Variants in RALGDS observed in about 807,000 individuals in gnomAD.
The protein encoded by RALGDS is ral guanine nucleotide exchange factor.
In RALGDS, 44 loss-of-function variants were observed where a neutral mutation model predicts 99.8. That is an observed-to-expected ratio of 0.44 (90% CI 0.35 to 0.57). The LOEUF (loss-of-function observed/expected upper bound fraction) is 0.57. RALGDS is among the 20% of genes least tolerant of loss of function. The pLI is 0.01. For synonymous variants in RALGDS, 529 were observed against 505.0 expected, an observed-to-expected ratio of 1.05 and a Z score of -0.64; for missense variants, 1,022 against 1,203.1, an observed-to-expected ratio of 0.85 and a Z score of 2.23.
intron 16 of RALGDS, chr9:133,101,101 C>T: frequency 1.8e-6 from 2 of 1,132,252 alleles, no homozygotes; most frequent in Non-Finnish European, 2.2e-6. Context: ...CCTTCCAGGG[C>T]TCCCAGCCTG....
In RALGDS at chr9:133,098,347, AGTC is replaced by A. The variant is rs1356079837; in HGVS notation, c.*237_*239del. On this transcript the variant is annotated 3_prime_UTR_variant, in exon 18 of 18. Transcript: ENST00000372050. ...CCCGTTGGCACTGCTCCTTGGCAAA[AGTC>A]AGCTAGTCCTCTGGTTCCAGAGAGC... is the stretch of plus-strand genomic sequence containing the variant. 1.8e-6 allele frequency: 1 copy of A among 559,838 alleles called. No individual in the cohort carries two copies. The highest frequency in any genetic ancestry group is 3.2e-6 in the Non-Finnish European group (1 of 310,928). 34.7% of individuals were successfully genotyped at this position (559,838 alleles called of 1,614,324 possible).
upstream of RALGDS, among the ~76,000 whole-genome samples, chr9:133,134,805 A>T (rs1259401286): frequency 1.3e-5 from 2 of 152,156 alleles, no homozygotes. Flanking sequence ...TGCCATGCCA[A>T]TGCGGGTATC....
At chr9:133,134,247 T>G (rs1405005921), upstream of RALGDS, among the ~76,000 whole-genome samples, 1 of 152,204 alleles carries the variant, frequency 6.6e-6, no homozygotes, top group African/African-American at 2.4e-5. Context: ...TGGCTCTGAC[T>G]AGGAGACTCC....
In RALGDS at chr9:133,102,022, C is replaced by T; in HGVS notation, c.2127G>A (p.Val709=). 4 of 1,554,260 alleles carry T rather than the reference C, an allele frequency of 2.6e-6. No individual in the cohort carries two copies. Among genetic ancestry groups the T allele is most frequent in the Non-Finnish European group, 3.5e-6 (4 of 1,148,514 alleles). The change falls in exon 15 of 18, where the codon GTG becomes GTA. Residue 709 remains valine (V), a synonymous_variant. Transcript: ENST00000372050. ...SSGDIADALS[V]HSAGSSSSDV... ...CGGAGCTAGAGGAGCCGGCCGAGTG[C>T]ACGCTGAGCGCGTCAGCGATGTCCC...
rs188091485 is a variant in RALGDS, at chr9:133,140,943, G to A, written c.18+8020C>T. The stretch of plus-strand genomic sequence containing the variant: ...TCCTCCTGTGGCACTCCAGCTGGGG[G>A]TGGCTGGGCAGAGTCCCCATGGGAT... On this transcript the variant is annotated intron_variant, in intron 1 of 17. Transcript: ENST00000393160. 5.6e-3 allele frequency among the ~76,000 whole-genome samples: 846 copies of A among 152,270 alleles called. 10 individuals are homozygous for A. The highest frequency in any genetic ancestry group is 4.4e-3 in the Non-Finnish European group (300 of 67,996).
At chr9:133,140,053 G>C (rs1832493034) in intron 1 of RALGDS, among the ~76,000 whole-genome samples, 1 of 140,988 alleles carries the variant, frequency 7.1e-6, no homozygotes, top group African/African-American at 2.6e-5. Flanking sequence ...CTAGTCAGGT[G>C]ATTAATCAGC....
intron 11 of RALGDS, 76 bp downstream of exon 11, chr9:133,103,671 G>A: frequency 1.4e-6 from 2 of 1,429,158 alleles, no homozygotes; most frequent in East Asian, 2.3e-5. Flanking sequence ...TGGGACAGGT[G>A]TGGCAGCCCA....
At chr9:133,118,564 C>T (rs1471609377) in intron 1 of RALGDS, among the ~76,000 whole-genome samples, 1 of 142,734 alleles carries the variant, frequency 7.0e-6, no homozygotes, top group Non-Finnish European at 1.6e-5. Context: ...ATTACTTAGC[C>T]AAGGACCTCC....
chr9:133,129,084 C>A, intron 1 of RALGDS: 1 of 1,500,410 alleles, frequency 6.7e-7, no homozygotes, highest in Non-Finnish European at 8.9e-7. Context: ...TGGGGCTCGG[C>A]GGTGACCCAC....
chr9:133,106,808 C>T, intron 7 of RALGDS, 60 bp from the exon 8 acceptor site: 1 of 1,349,632 alleles, frequency 7.4e-7, no homozygotes, highest in Non-Finnish European at 1.0e-6. Flanking sequence ...TGCCTGGCCT[C>T]AGTCCCCCTT....
At chr9:133,119,855 G>T (rs113644992) in intron 1 of RALGDS, among the ~76,000 whole-genome samples, 4,337 of 152,194 alleles carry the variant, frequency 0.028, 189 homozygotes, top group African/African-American at 0.096. Context: ...GAAACAAGTC[G>T]CATCCAGGCC....
upstream of RALGDS, among the ~76,000 whole-genome samples, chr9:133,133,676 A>G (rs147337609): frequency 1.3e-3 from 194 of 152,342 alleles, no homozygotes; most frequent in African/African-American, 4.5e-3. Context: ...GCTACTGTGC[A>G]TGAAGCTTAC....
chr9:133,139,637 C>G (rs1832486883), intron 1 of RALGDS, among the ~76,000 whole-genome samples: 1 of 152,206 alleles, frequency 6.6e-6, no homozygotes, highest in Admixed American at 6.5e-5. Context: ...TACTCGCCTC[C>G]TCGGGGCCGT....
chr9:133,102,526 G>A lies in RALGDS; in HGVS notation c.1959C>T (p.Ser653=). ...CELEPPSESA[S]NTLRTKKNTA... The stretch of plus-strand genomic sequence containing the variant: ...TGTTCTTCTTGGTCCTGAGGGTGTT[G>A]CTGGCTGACTCGGATGGGGGCTCCA... The change falls in exon 14 of 18, where the codon AGC becomes AGT. Residue 653 remains serine, a synonymous_variant. Transcript: ENST00000372050. 2.5e-6 allele frequency: 4 copies of A among 1,614,148 alleles called. No individual in the cohort carries two copies. The highest frequency in any genetic ancestry group is 1.6e-4 in the Middle Eastern group (1 of 6,062).
chr9:133,105,062 G>A (rs992512354), intron 9 of RALGDS, among the ~76,000 whole-genome samples: 3 of 152,148 alleles, frequency 2.0e-5, no homozygotes, highest in Admixed American at 1.3e-4. Flanking sequence ...GCCTTTACCC[G>A]TTTGGTCACT....
At chr9:133,126,837 A>C (rs576272) in intron 1 of RALGDS, among the ~76,000 whole-genome samples, 151,122 of 152,294 alleles carry the variant, frequency 0.99, 74,995 homozygotes, top group Middle Eastern at 1. Flanking sequence ...GGGCATCTTA[A>C]GTCACTCTCT....
upstream of RALGDS, among the ~76,000 whole-genome samples, chr9:133,131,705 GCA>G (rs1449404624): frequency 6.6e-6 from 1 of 152,108 alleles, no homozygotes; most frequent in East Asian, 1.9e-4. Flanking sequence ...CCTCTCTTGC[GCA>G]CAGTGACTCA....
rs759013918 is a variant in RALGDS, at chr9:133,098,597, C to T, written c.2735G>A (p.Gly912Asp). ...CCTGGGAGGATGCCCTCAGAAGATG[C>T]CCTTGGCAATCTTGAGTCCTTTCTG... ...MKQKGLKIAK[G>D]IF The change falls in exon 18 of 18, where the codon GGC (glycine) becomes GAC (aspartate). Residue 912 changes from glycine (G) to aspartate (D), a missense_variant. Gly to Asp is a moderately conservative substitution (Grantham distance 94). Around this residue, in one of 3 missense-constraint regions of RALGDS, gnomAD observed 825 missense variants for 994.5 expected, o/e 0.83. Coordinates refer to ENST00000372050, the MANE Select transcript of RALGDS (RefSeq NM_006266.4). The T allele has an allele frequency of 6.2e-7, 1 of 1,614,086 alleles. No homozygotes were observed. The highest frequency in any genetic ancestry group is 1.3e-5 in the African/African-American group (1 of 75,048).
chr9:133,106,874 C>G, intron 7 of RALGDS, 126 bp from the exon 8 acceptor site: 3 of 927,598 alleles, frequency 3.2e-6, no homozygotes, highest in Non-Finnish European at 5.1e-6. Context: ...AGAGGGCACG[C>G]CTGCGACCCG....
Sources: gnomAD v4.1 joint callset for allele counts (sites outside exome capture counted in the v4.1 genomes callset) on GRCh38, gnomAD v4.1.1 for gene constraint, gnomAD v4.1.1 regional missense constraint, MANE v1.5 for transcripts, NCBI Gene and HGNC (gene_info 2026-07-23, HGNC 2026-07-21) for gene names.